The following LRRC7 variants were observed in gnomAD, a reference collection of about 807,000 sequenced individuals.
The protein encoded by LRRC7 is leucine rich repeat containing 7.
A neutral mutation model predicts 175.7 loss-of-function variants in LRRC7; 23 were observed. That is an observed-to-expected ratio of 0.13 (90% CI 0.09 to 0.19). The LOEUF is 0.19. Among genes scored for constraint, LRRC7 ranks in the 10% least tolerant of loss-of-function variants. The probability of loss-of-function intolerance (pLI) is 1.00; values close to 1 mark genes in which losing one functional copy is unlikely to be tolerated. For synonymous variants in LRRC7, 685 were observed against 680.9 expected, an observed-to-expected ratio of 1.01 and a Z score of -0.09; for missense variants, 1,354 against 1,904.7, an observed-to-expected ratio of 0.71 and a Z score of 5.38.
chr1:69,685,778 G>T (rs1181935817), intron 2 of LRRC7, among the ~76,000 whole-genome samples: 1 of 151,964 alleles, frequency 6.6e-6, no homozygotes, highest in African/African-American at 2.4e-5. Context: ...TCCCAGGAGA[G>T]GAGAAGGAGT....
chr1:69,866,952 C>T (rs752376243), intron 7 of LRRC7, among the ~76,000 whole-genome samples: 2 of 152,042 alleles, frequency 1.3e-5, no homozygotes, highest in Non-Finnish European at 2.9e-5. Flanking sequence ...ATATTAAGCT[C>T]ACAGTAGGAG....
At chr1:69,963,602 G>A (rs1004264642) in intron 8 of LRRC7, among the ~76,000 whole-genome samples, 6 of 151,982 alleles carry the variant, frequency 3.9e-5, no homozygotes, top group Non-Finnish European at 5.9e-5. Flanking sequence ...GAAGATGGAG[G>A]AAGGTAGTAG....
intron 2 of LRRC7, among the ~76,000 whole-genome samples, chr1:69,711,812 C>T (rs1664780271): frequency 6.6e-6 from 1 of 152,132 alleles, no homozygotes; most frequent in African/African-American, 2.4e-5. Flanking sequence ...GGAGCTTATA[C>T]CCTAAGGACT....
intron 2 of LRRC7, among the ~76,000 whole-genome samples, chr1:69,680,905 G>T (rs558365469): frequency 6.6e-6 from 1 of 152,018 alleles, no homozygotes; most frequent in Admixed American, 6.6e-5. Flanking sequence ...TAAGTAGTTG[G>T]TACAAAACCT....
At chr1:69,897,337 T>A (rs1400136643) in intron 7 of LRRC7, among the ~76,000 whole-genome samples, 2 of 152,216 alleles carry the variant, frequency 1.3e-5, no homozygotes, top group Non-Finnish European at 2.9e-5. Context: ...TATTAGCTTT[T>A]CAGAGTGGCT....
At chr1:69,811,263 G>A (rs1677823063) in intron 4 of LRRC7, among the ~76,000 whole-genome samples, 1 of 152,102 alleles carries the variant, frequency 6.6e-6, no homozygotes, top group East Asian at 1.9e-4. Context: ...TAAAAAGTCA[G>A]GAAGCAACAG....
chr1:70,137,678 A>C lies in LRRC7; in HGVS notation c.*15791A>C, dbSNP rs1325094066. On this transcript the variant is annotated 3_prime_UTR_variant, in exon 27 of 27. Transcript: ENST00000651989. ...TAAAAACTAAAGAATGCCTGGAACT[A>C]TGCAGACATAGATCAAGTCTCATGC... 6.6e-6 allele frequency among the ~76,000 whole-genome samples: 1 copy of C among 152,256 alleles called. No homozygotes were observed. Among genetic ancestry groups the C allele is most frequent in the East Asian group, 1.9e-4 (1 of 5,206 alleles).
At chr1:69,692,235 G>A (rs576826284) in intron 2 of LRRC7, among the ~76,000 whole-genome samples, 1 of 152,238 alleles carries the variant, frequency 6.6e-6, no homozygotes, top group African/African-American at 2.4e-5. Context: ...ATGGAGGAAG[G>A]TACTGGGCTA....
intron 2 of LRRC7, among the ~76,000 whole-genome samples, chr1:69,729,269 C>A (rs973983648): frequency 2.0e-5 from 3 of 152,116 alleles, no homozygotes; most frequent in Non-Finnish European, 4.4e-5. Context: ...ATTCAAAACA[C>A]AATCATGTCT....
chr1:69,970,439 C>T (rs959722451), intron 8 of LRRC7, among the ~76,000 whole-genome samples: 2 of 151,918 alleles, frequency 1.3e-5, no homozygotes, highest in Admixed American at 6.6e-5. Context: ...AGAAATGAAA[C>T]GAGAGATATT....
intron 7 of LRRC7, among the ~76,000 whole-genome samples, chr1:69,907,767 T>C (rs543566547): frequency 2.6e-4 from 39 of 152,326 alleles, no homozygotes; most frequent in Middle Eastern, 3.4e-3. Context: ...AGGATGATGC[T>C]GGCCTCATAA....
chr1:69,863,386 C>T (rs964571663), intron 7 of LRRC7, among the ~76,000 whole-genome samples: 5 of 152,160 alleles, frequency 3.3e-5, no homozygotes, highest in African/African-American at 1.2e-4. Flanking sequence ...ATTTTAAAAA[C>T]TTGTCCTTGA....
chr1:69,619,293 A>G (rs1011229860), intron 1 of LRRC7, among the ~76,000 whole-genome samples: 7 of 152,180 alleles, frequency 4.6e-5, no homozygotes, highest in Admixed American at 4.6e-4. Context: ...CACTGATAAT[A>G]AAAAATCAAT....
At chr1:69,760,143 G>T (rs781224700) in intron 2 of LRRC7, 48 bp from the exon 3 acceptor site, 1 of 1,584,488 alleles carries the variant, frequency 6.3e-7, no homozygotes, top group Admixed American at 1.7e-5. Context: ...GCCTTCCAAG[G>T]GCACTGGATA....
chr1:69,569,737 C>G (rs1021793273), intron 1 of LRRC7, among the ~76,000 whole-genome samples: 1 of 151,992 alleles, frequency 6.6e-6, no homozygotes, highest in Non-Finnish European at 1.5e-5. Flanking sequence ...CGGCTCTTCT[C>G]TGGCTGTCTC....
chr1:69,953,785 C>T (rs1335638490), intron 8 of LRRC7, among the ~76,000 whole-genome samples: 1 of 152,042 alleles, frequency 6.6e-6, no homozygotes, highest in Non-Finnish European at 1.5e-5. Flanking sequence ...GAAGCATCCG[C>T]AGATTACCAT....
intron 1 of LRRC7, among the ~76,000 whole-genome samples, chr1:69,638,489 A>C (rs577849238): frequency 6.6e-6 from 1 of 151,878 alleles, no homozygotes; most frequent in South Asian, 2.1e-4. Flanking sequence ...GCAGCACTTA[A>C]AACTGGAGAT....
intron 7 of LRRC7, among the ~76,000 whole-genome samples, chr1:69,861,854 A>C (rs549509988): frequency 6.6e-6 from 1 of 152,314 alleles, no homozygotes; most frequent in Non-Finnish European, 1.5e-5. Flanking sequence ...TTGCAGTTCA[A>C]ACAGAGACAA....
intron 1 of LRRC7, among the ~76,000 whole-genome samples, chr1:69,633,766 T>A (rs992796755): frequency 6.6e-6 from 1 of 152,174 alleles, no homozygotes; most frequent in Non-Finnish European, 1.5e-5. Flanking sequence ...ATAAAAACTC[T>A]TTTTATTATT....
Sources: gnomAD v4.1 joint callset for allele counts (sites outside exome capture counted in the v4.1 genomes callset) on GRCh38, gnomAD v4.1.1 for gene constraint, MANE v1.5 for transcripts, NCBI Gene and HGNC (gene_info 2026-07-23, HGNC 2026-07-21) for gene names.